STMN2: variants seen among roughly 807,000 people sequenced by gnomAD.
STMN2 encodes stathmin-2.
Under a neutral mutation model 24.1 loss-of-function variants are expected in STMN2, and 2 were observed. The ratio of observed to expected loss-of-function variants is 0.08; its 90% confidence interval spans 0.03 to 0.26. The LOEUF is 0.26. Among genes scored for constraint, STMN2 ranks in the 10% least tolerant of loss-of-function variants. STMN2 has a pLI of 1.00. For missense variants in STMN2, 114 were observed against 213.6 expected (o/e 0.53, Z 2.91); for synonymous variants, 83 against 77.5 (o/e 1.07, Z -0.37).
intron 4 of STMN2, among the ~76,000 whole-genome samples, chr8:79,661,132 A>G (rs751859801): frequency 3.3e-5 from 5 of 152,120 alleles, no homozygotes; most frequent in African/African-American, 7.2e-5. Context: ...TGTCTTTTTC[A>G]TATAATTACT....
chr8:79,659,106 G>A (rs966344681), intron 4 of STMN2, among the ~76,000 whole-genome samples: 1 of 152,182 alleles, frequency 6.6e-6, no homozygotes, highest in African/African-American at 2.4e-5. Flanking sequence ...CTCCAAAGAA[G>A]AATGTTACAC....
intron 4 of STMN2, among the ~76,000 whole-genome samples, chr8:79,656,816 T>C (rs77517519): frequency 0.096 from 14,564 of 152,122 alleles, 974 homozygotes; most frequent in Non-Finnish European, 0.15. Flanking sequence ...CTGGCAGTCC[T>C]GGAGCATTTT....
At chr8:79,619,068 A>ATT (rs879679608) in intron 1 of STMN2, among the ~76,000 whole-genome samples, 16 of 145,920 alleles carry the variant, frequency 1.1e-4, no homozygotes, top group African/African-American at 3.2e-4. Context: ...GGACTGAATG[A>ATT]TTTTTTTTTT....
Position 79,623,925 on chromosome 8 carries a change from A to AT in STMN2, c.19+12717dup, listed in dbSNP as rs1809579810. The stretch of plus-strand genomic sequence containing the variant: ...TTTGTGTCTTCTGACTTGGTTGATG[A>AT]TTTTTTAAAAAAACGTTTTGTGGTA... On this transcript the variant is annotated intron_variant, in intron 1 of 4. Coordinates refer to ENST00000220876, the MANE Select transcript of STMN2 (RefSeq NM_007029.4). 1.3e-5 allele frequency among the ~76,000 whole-genome samples: 2 copies of AT among 152,158 alleles called. 1 individual carries two copies. The highest frequency in any genetic ancestry group is 4.1e-4 in the South Asian group (2 of 4,826).
intron 1 of STMN2, among the ~76,000 whole-genome samples, chr8:79,624,635 C>G (rs1271344145): frequency 1.3e-5 from 2 of 152,050 alleles, no homozygotes; most frequent in Admixed American, 1.3e-4. Flanking sequence ...ATTATTCTAT[C>G]CAGAAAAGTA....
chr8:79,658,257 T>C (rs940803202), intron 4 of STMN2, among the ~76,000 whole-genome samples: 1 of 151,890 alleles, frequency 6.6e-6, no homozygotes, highest in Non-Finnish European at 1.5e-5. Context: ...ACCTGGGAAA[T>C]ATTGTGCCAC....
At chr8:79,630,908 A>T (rs756366845) in intron 1 of STMN2, among the ~76,000 whole-genome samples, 71 of 151,024 alleles carry the variant, frequency 4.7e-4, no homozygotes, top group Non-Finnish European at 8.6e-4. Flanking sequence ...GGATAAAAAA[A>T]TCCCTCAATA....
At chr8:79,658,577 C>T (rs1806429046) in intron 4 of STMN2, among the ~76,000 whole-genome samples, 1 of 152,250 alleles carries the variant, frequency 6.6e-6, no homozygotes, top group East Asian at 1.9e-4. Flanking sequence ...AAATTCACAT[C>T]AAGGTCACTA....
At chr8:79,635,250 C>A (rs1408715719) in intron 1 of STMN2, among the ~76,000 whole-genome samples, 1 of 152,052 alleles carries the variant, frequency 6.6e-6, no homozygotes, top group East Asian at 1.9e-4. Context: ...AACTGCATGG[C>A]AAGGTTGGCA....
intron 4 of STMN2, among the ~76,000 whole-genome samples, chr8:79,656,884 G>GTTTTTTTTTTTTTTTTTT (rs71266026): frequency 2.0e-5 from 3 of 150,200 alleles, no homozygotes; most frequent in Non-Finnish European, 4.5e-5. Flanking sequence ...TTGTTTGTTT[G>GTTTTTTTTTTTTTTTTTT]TTTTTTTGAG....
chr8:79,664,723 C>A, intron 4 of STMN2, 92 bp from the exon 5 acceptor site: 1 of 1,240,918 alleles, frequency 8.1e-7, no homozygotes, highest in Non-Finnish European at 1.1e-6. Flanking sequence ...AAAGTAGACA[C>A]CAAACTGGGT....
rs142951694 is a variant in STMN2 at position 79,658,902 on chromosome 8, C to G, written c.480+3840C>G. On this transcript the variant is annotated intron_variant, in intron 4 of 4. Coordinates refer to ENST00000220876, the MANE Select transcript of STMN2 (RefSeq NM_007029.4). ...GCACTTCGGAATCTACTGGACAGCT[C>G]TTTAAGGGATTCTGATTTAATGTCT... Among the ~76,000 whole-genome samples the G allele has an allele frequency of 3.5e-3, 528 of 152,320 alleles. 4 individuals are homozygous for G. Among genetic ancestry groups the G allele is most frequent in the African/African-American group, 0.012 (504 of 41,562 alleles).
chr8:79,615,481 G>GA (rs1809362443), intron 1 of STMN2, among the ~76,000 whole-genome samples: 1 of 152,066 alleles, frequency 6.6e-6, no homozygotes, highest in African/African-American at 2.4e-5. Context: ...GACCTTATAT[G>GA]AAAAAATGCT....
intron 1 of STMN2, among the ~76,000 whole-genome samples, chr8:79,616,893 G>T (rs976424506): frequency 1.3e-5 from 2 of 152,194 alleles, no homozygotes; most frequent in Admixed American, 1.3e-4. Flanking sequence ...ATGTGTGCGT[G>T]TGTGCGAGAG....
intron 4 of STMN2, 57 bp from the exon 5 acceptor site, chr8:79,664,758 G>A (rs547337529): frequency 2.3e-5 from 37 of 1,574,582 alleles, no homozygotes; most frequent in African/African-American, 9.5e-5. Flanking sequence ...CGCATGGTAC[G>A]CAAAGGACCA....
rs566827801 is a variant in STMN2 at position 79,612,699 on chromosome 8, G to C, written c.19+1485G>C. ...GGGGTCCTGTGGCAGCTGGAAGCAC[G>C]TGTCCCCCGGGACTTGGTTGCAGGA... On this transcript the variant is annotated intron_variant, in intron 1 of 4. Coordinates refer to ENST00000220876, the MANE Select transcript of STMN2 (RefSeq NM_007029.4). 4.1e-4 allele frequency among the ~76,000 whole-genome samples: 62 copies of C among 152,306 alleles called. 1 individual carries two copies. The highest frequency in any genetic ancestry group is 1.4e-3 in the African/African-American group (59 of 41,566).
At chr8:79,644,057 T>C (rs953381020) in intron 3 of STMN2, among the ~76,000 whole-genome samples, 4 of 152,200 alleles carry the variant, frequency 2.6e-5, no homozygotes, top group Non-Finnish European at 5.9e-5. Context: ...ATTGATTTTA[T>C]TCTATTGGGT....
intron 1 of STMN2, chr8:79,611,705 C>CG (rs975930432): frequency 1.5e-5 from 14 of 947,950 alleles, no homozygotes; most frequent in East Asian, 1.1e-4. Flanking sequence ...TGGGTGGAGA[C>CG]GGGGGGAGGG....
chr8:79,664,749 G>T (rs1352021625), intron 4 of STMN2, 66 bp from the exon 5 acceptor site: 1 of 1,523,868 alleles, frequency 6.6e-7, no homozygotes. Context: ...CTAGTCAAGC[G>T]CATGGTACGC....
Sources: allele counts gnomAD v4.1 joint callset (sites outside exome capture counted in the v4.1 genomes callset), GRCh38; gene constraint gnomAD v4.1.1; transcripts MANE v1.5; gene names NCBI Gene and HGNC (gene_info 2026-07-23, HGNC 2026-07-21).